The following PTPRM variants were observed in gnomAD, a reference collection of about 807,000 sequenced individuals.
PTPRM encodes protein tyrosine phosphatase receptor type M.
PTPRM carries 47 observed loss-of-function variants against 186.7 expected under a neutral mutation model. That is an observed-to-expected ratio of 0.25 (90% CI 0.20 to 0.32). The LOEUF (loss-of-function observed/expected upper bound fraction) is 0.32. Ranked by LOEUF, PTPRM falls within the 10% of genes least tolerant of loss-of-function variation. PTPRM has a pLI of 1.00. For missense variants in PTPRM, 1,494 were observed against 1,865.0 expected (o/e 0.80, Z 3.66); for synonymous variants, 668 against 674.9 (o/e 0.99, Z 0.16).
intron 14 of PTPRM, among the ~76,000 whole-genome samples, chr18:8,198,241 G>A (rs1412734731): frequency 6.6e-6 from 1 of 152,076 alleles, no homozygotes; most frequent in East Asian, 1.9e-4. Context: ...CGACTTCCCA[G>A]GCCCAGGTGA....
intron 1 of PTPRM, among the ~76,000 whole-genome samples, chr18:7,683,008 C>G (rs16952335): frequency 0.016 from 2,369 of 152,056 alleles, 54 homozygotes; most frequent in African/African-American, 0.054. Flanking sequence ...TGCTTTTTAC[C>G]TGCTGCTGTG....
chr18:8,387,578 T>C (rs1425731221), intron 31 of PTPRM, among the ~76,000 whole-genome samples: 4 of 151,040 alleles, frequency 2.6e-5, no homozygotes, highest in African/African-American at 9.9e-5. Context: ...GGTCTTCAAC[T>C]GTTGGTAACT....
At chr18:8,119,784 G>A (rs1381707066) in intron 13 of PTPRM, among the ~76,000 whole-genome samples, 2 of 152,112 alleles carry the variant, frequency 1.3e-5, no homozygotes, top group African/African-American at 4.8e-5. Flanking sequence ...GCACGTAACT[G>A]AGATGACCAT....
intron 19 of PTPRM, among the ~76,000 whole-genome samples, chr18:8,281,108 G>A (rs2094898682): frequency 6.6e-6 from 1 of 152,224 alleles, no homozygotes; most frequent in Non-Finnish European, 1.5e-5. Flanking sequence ...AGGGCCCCCT[G>A]CTCAATGAAC....
chr18:8,375,559 G>C (rs1830688735), intron 24 of PTPRM, among the ~76,000 whole-genome samples: 1 of 152,214 alleles, frequency 6.6e-6, no homozygotes, highest in African/African-American at 2.4e-5. Flanking sequence ...TGCTCAGTGA[G>C]TGTGCACCAC....
At chr18:8,108,308 G>A (rs900794358) in intron 11 of PTPRM, among the ~76,000 whole-genome samples, 3 of 151,876 alleles carry the variant, frequency 2.0e-5, no homozygotes, top group Non-Finnish European at 2.9e-5. Flanking sequence ...GAAATGATCA[G>A]AAGTGCCTGT....
chr18:7,946,666 A>G (rs1042603302), intron 5 of PTPRM, among the ~76,000 whole-genome samples: 1 of 152,200 alleles, frequency 6.6e-6, no homozygotes, highest in Non-Finnish European at 1.5e-5. Context: ...GATGCTGTCT[A>G]TGAGAACAAA....
At chr18:7,716,046 T>C (rs902009545) in intron 1 of PTPRM, among the ~76,000 whole-genome samples, 10 of 152,190 alleles carry the variant, frequency 6.6e-5, no homozygotes, top group African/African-American at 2.4e-4. Flanking sequence ...ATAGTCCATA[T>C]AGTCAAGACA....
chr18:8,302,811 C>T (rs1357944525), intron 20 of PTPRM, among the ~76,000 whole-genome samples: 1 of 151,680 alleles, frequency 6.6e-6, no homozygotes, highest in Non-Finnish European at 1.5e-5. Context: ...CATTCCCTTC[C>T]AGTATTATCC....
At chr18:8,314,192 A>G (rs1192749728) in intron 20 of PTPRM, among the ~76,000 whole-genome samples, 1 of 152,134 alleles carries the variant, frequency 6.6e-6, no homozygotes, top group Non-Finnish European at 1.5e-5. Flanking sequence ...TGAGGCAGGT[A>G]GTGTCATCCC....
chr18:7,720,335 TAGTG>T (rs2040423118), intron 1 of PTPRM, among the ~76,000 whole-genome samples: 3 of 151,974 alleles, frequency 2.0e-5, no homozygotes, highest in Non-Finnish European at 4.4e-5. Flanking sequence ...TGTAATGAAA[TAGTG>T]GGTGCTGGCA....
intron 23 of PTPRM, among the ~76,000 whole-genome samples, chr18:8,353,502 G>A (rs1252271532): frequency 6.6e-6 from 1 of 152,164 alleles, no homozygotes; most frequent in African/African-American, 2.4e-5. Flanking sequence ...GGGAGCTTAT[G>A]AGGAGTATAC....
At chr18:8,032,540 G>A (rs545381508) in intron 7 of PTPRM, among the ~76,000 whole-genome samples, 116 of 152,142 alleles carry the variant, frequency 7.6e-4, no homozygotes, top group South Asian at 5.2e-3. Context: ...GTTCTCCCAA[G>A]AGTAATCTAC....
intron 5 of PTPRM, among the ~76,000 whole-genome samples, chr18:7,930,724 T>C (rs1035535869): frequency 5.3e-5 from 8 of 152,288 alleles, no homozygotes; most frequent in African/African-American, 1.7e-4. Flanking sequence ...AAATAATGCT[T>C]ATATGTATTA....
At chr18:7,806,843 G>T (rs907786969) in intron 2 of PTPRM, among the ~76,000 whole-genome samples, 11 of 152,224 alleles carry the variant, frequency 7.2e-5, no homozygotes, top group African/African-American at 2.4e-4. Context: ...CTAAAATTGT[G>T]CTAGTGATGG....
chr18:8,138,960 CTTGACCCGCCA>C (rs1236956132), intron 13 of PTPRM, among the ~76,000 whole-genome samples: 1 of 152,072 alleles, frequency 6.6e-6, no homozygotes, highest in Non-Finnish European at 1.5e-5. Context: ...TTCCATCCTC[CTTGACCCGCCA>C]TTGTTTCCCT....
intron 14 of PTPRM, among the ~76,000 whole-genome samples, chr18:8,163,665 A>G (rs750797467): frequency 9.9e-5 from 15 of 152,242 alleles, no homozygotes; most frequent in Non-Finnish European, 2.1e-4. Flanking sequence ...ACCTAAGTAG[A>G]ATGATAATTC....
chr18:7,964,166 G>C (rs1182626082), intron 7 of PTPRM, among the ~76,000 whole-genome samples: 1 of 152,170 alleles, frequency 6.6e-6, no homozygotes, highest in Admixed American at 6.5e-5. Context: ...ATACTACACT[G>C]GGGTCCTATG....
chr18:8,055,430 A>C (rs1032836285), intron 7 of PTPRM, among the ~76,000 whole-genome samples: 6 of 152,206 alleles, frequency 3.9e-5, no homozygotes, highest in African/African-American at 1.4e-4. Flanking sequence ...TATACAGTAC[A>C]TAATTAATGT....
Sources: gnomAD v4.1 joint callset for allele counts (sites outside exome capture counted in the v4.1 genomes callset) on GRCh38, gnomAD v4.1.1 for gene constraint, MANE v1.5 for transcripts, NCBI Gene and HGNC (gene_info 2026-07-23, HGNC 2026-07-21) for gene names.